The following CNTN1 variants were observed in gnomAD, a reference collection of about 807,000 sequenced individuals.
CNTN1 encodes the protein contactin 1, also known as contactin-1.
In CNTN1, 38 loss-of-function variants were observed where a neutral mutation model predicts 126.4. That is an observed-to-expected ratio of 0.30 (90% confidence interval 0.23 to 0.39). The LOEUF is 0.39. Among genes scored for constraint, CNTN1 ranks in the 10% least tolerant of loss-of-function variants. CNTN1 has a pLI of 1.00. For missense variants in CNTN1, 1,009 were observed against 1,248.4 expected (o/e 0.81, Z 2.89); for synonymous variants, 413 against 422.6 (o/e 0.98, Z 0.28).
intron 17 of CNTN1, among the ~76,000 whole-genome samples, chr12:41,005,429 G>T (rs983217794): frequency 6.6e-5 from 10 of 151,524 alleles, no homozygotes; most frequent in Non-Finnish European, 1.3e-4. Context: ...TTCTTGTGAA[G>T]TACCTTACTG....
At chr12:41,065,005 A>G (rs2121135641) in intron 23 of CNTN1, among the ~76,000 whole-genome samples, 1 of 152,276 alleles carries the variant, frequency 6.6e-6, no homozygotes, top group Admixed American at 6.5e-5. Context: ...TACTGTTCCC[A>G]ATATATCCTT....
intron 1 of CNTN1, among the ~76,000 whole-genome samples, chr12:40,778,704 A>G (rs943395312): frequency 5.9e-5 from 9 of 151,874 alleles, no homozygotes; most frequent in Non-Finnish European, 8.8e-5. Context: ...AAAAAACCTA[A>G]GACAAAGCAA....
chr12:40,818,995 A>T (rs1941350201), intron 1 of CNTN1, among the ~76,000 whole-genome samples: 1 of 151,680 alleles, frequency 6.6e-6, no homozygotes, highest in South Asian at 2.1e-4. Flanking sequence ...CATCTGATTC[A>T]CTCCTGTGCC....
intron 16 of CNTN1, among the ~76,000 whole-genome samples, chr12:40,987,347 C>G (rs12816087): frequency 0.033 from 5,077 of 152,214 alleles, 110 homozygotes; most frequent in Middle Eastern, 0.11. Context: ...TTAAGGCAAT[C>G]TATTGTAAAT....
At chr12:40,926,396 A>G (rs1945696986) in intron 6 of CNTN1, among the ~76,000 whole-genome samples, 1 of 152,114 alleles carries the variant, frequency 6.6e-6, no homozygotes, top group South Asian at 2.1e-4. Context: ...TGGAAGACCA[A>G]GGAAGCCAGG....
chr12:40,777,667 T>C (rs1165006100), intron 1 of CNTN1, among the ~76,000 whole-genome samples: 1 of 151,848 alleles, frequency 6.6e-6, no homozygotes, highest in Non-Finnish European at 1.5e-5. Context: ...CAAATCTGCA[T>C]TGTCTATGCT....
intron 12 of CNTN1, 40 bp from the exon 13 acceptor site, chr12:40,943,556 TA>T (rs1165195713): frequency 7.0e-6 from 10 of 1,421,396 alleles, no homozygotes; most frequent in Non-Finnish European, 8.9e-6. Context: ...TGTATTTTAC[TA>T]AATCAGGTTT....
intron 1 of CNTN1, among the ~76,000 whole-genome samples, chr12:40,810,488 A>C (rs1941020535): frequency 6.6e-6 from 1 of 152,086 alleles, no homozygotes; most frequent in African/African-American, 2.4e-5. Context: ...TCTAGAACTT[A>C]TTCATCTTAC....
chr12:40,748,820 T>G (rs1938285074), intron 1 of CNTN1, among the ~76,000 whole-genome samples: 1 of 152,134 alleles, frequency 6.6e-6, no homozygotes, highest in South Asian at 2.1e-4. Flanking sequence ...TGGGATAAAG[T>G]CAAAGAAATA....
chr12:41,040,587 C>A (rs1452370194), intron 23 of CNTN1, among the ~76,000 whole-genome samples: 1 of 151,962 alleles, frequency 6.6e-6, no homozygotes, highest in Non-Finnish European at 1.5e-5. Flanking sequence ...TCTTTTATTT[C>A]ATTGAGCAGT....
Position 40,847,946 on chromosome 12 carries a change from C to T in CNTN1, c.-76-60411C>T, listed in dbSNP as rs545656524. Among the ~76,000 whole-genome samples the T allele has an allele frequency of 1.6e-4, 25 of 152,334 alleles. No individual in the cohort carries two copies. In the East Asian group the frequency reaches 4.8e-3, roughly 29 times the overall value. ...CAATCTAGATCCTTTGCATCACTTG[C>T]ACGGGCAGTTCACAATAGAGTTTGC... On this transcript the variant is annotated intron_variant, in intron 1 of 23. Coordinates refer to ENST00000551295, the MANE Select transcript of CNTN1 (RefSeq NM_001843.4).
intron 1 of CNTN1, among the ~76,000 whole-genome samples, chr12:40,904,952 C>A (rs528628352): frequency 2.6e-5 from 4 of 152,314 alleles, no homozygotes; most frequent in Admixed American, 2.0e-4. Flanking sequence ...CAACATTTTG[C>A]ATGCACAACT....
chr12:40,829,399 G>A (rs1264937976), intron 1 of CNTN1, among the ~76,000 whole-genome samples: 1 of 151,718 alleles, frequency 6.6e-6, no homozygotes, highest in African/African-American at 2.4e-5. Flanking sequence ...CCTCATGTAT[G>A]TTTATTAATA....
intron 1 of CNTN1, among the ~76,000 whole-genome samples, chr12:40,779,245 T>C (rs1359156215): frequency 1.3e-5 from 2 of 151,854 alleles, no homozygotes; most frequent in Non-Finnish European, 2.9e-5. Flanking sequence ...CAGAATATTC[T>C]TCAAAAAGTC....
rs1002233976 is a variant in CNTN1 at position 40,706,893 on chromosome 12, T to C, written c.-77+14301T>C. On this transcript the variant is annotated intron_variant, in intron 1 of 23. Coordinates refer to ENST00000551295, the MANE Select transcript of CNTN1 (RefSeq NM_001843.4). ...TCCCTACAGACTCCGGCTTAGTAGATCTGATATGGGACCCAGGAATCTGCA... is the reference window on the plus strand; with the variant it reads ...TCCCTACAGACTCCGGCTTAGTAGACCTGATATGGGACCCAGGAATCTGCA... Among the ~76,000 whole-genome samples, 8 of 152,356 alleles carry C rather than the reference T, an allele frequency of 5.3e-5. 1 individual carries two copies. The South Asian group carries it at 1.4e-3, about 28-fold the overall frequency.
chr12:40,932,690 C>T (rs1369326431), intron 7 of CNTN1, among the ~76,000 whole-genome samples: 3 of 152,012 alleles, frequency 2.0e-5, no homozygotes, highest in Admixed American at 1.3e-4. Flanking sequence ...CCATATTTGC[C>T]TCAGAGTGCT....
chr12:41,001,574 T>C (rs943371072), intron 17 of CNTN1, among the ~76,000 whole-genome samples: 1 of 152,206 alleles, frequency 6.6e-6, no homozygotes, highest in African/African-American at 2.4e-5. Context: ...TGTAGTTTCC[T>C]TTGCTGTGCA....
chr12:40,918,382 G>A (rs746690766), intron 3 of CNTN1, among the ~76,000 whole-genome samples: 5 of 152,112 alleles, frequency 3.3e-5, no homozygotes, highest in Non-Finnish European at 7.4e-5. Flanking sequence ...TGAAAGCACA[G>A]CTTGTTTGGG....
chr12:41,018,828 CTT>C (rs1188287772), intron 19 of CNTN1, among the ~76,000 whole-genome samples: 3 of 151,914 alleles, frequency 2.0e-5, no homozygotes, highest in Non-Finnish European at 2.9e-5. Flanking sequence ...TGATGACAAA[CTT>C]ATATTCTCTA....
Sources: allele counts gnomAD v4.1 joint callset (sites outside exome capture counted in the v4.1 genomes callset), GRCh38; gene constraint gnomAD v4.1.1; transcripts MANE v1.5; gene names NCBI Gene and HGNC (gene_info 2026-07-23, HGNC 2026-07-21).